The following PSD3 variants were observed in gnomAD, a reference collection of about 807,000 sequenced individuals.
PSD3 encodes the protein PH and SEC7 domain-containing protein 3.
PSD3 carries 49 observed loss-of-function variants against 105.5 expected under a neutral mutation model. That is an observed-to-expected ratio of 0.46 (90% CI 0.37 to 0.59). The LOEUF is 0.59. Among genes scored for constraint, PSD3 ranks in the 20% least tolerant of loss-of-function variants. PSD3 has a pLI of 0.00. For synonymous variants in PSD3, 557 were observed against 457.8 expected, an observed-to-expected ratio of 1.22 and a Z score of -2.77; for missense variants, 1,561 against 1,263.8, an observed-to-expected ratio of 1.24 and a Z score of -3.57.
chr8:18,696,656 A>C (rs1801278077), intron 9 of PSD3, among the ~76,000 whole-genome samples: 1 of 152,192 alleles, frequency 6.6e-6, no homozygotes, highest in African/African-American at 2.4e-5. Context: ...GTCACTCATC[A>C]AGATATGATG....
chr8:18,910,846 A>C (rs1820170873), intron 2 of PSD3, among the ~76,000 whole-genome samples: 1 of 151,914 alleles, frequency 6.6e-6, no homozygotes, highest in Admixed American at 6.6e-5. Context: ...GGTATCTGAC[A>C]CAGAAGTCGA....
intron 1 of PSD3, among the ~76,000 whole-genome samples, chr8:18,982,368 C>T (rs1482680915): frequency 6.6e-6 from 1 of 152,188 alleles, no homozygotes; most frequent in Non-Finnish European, 1.5e-5. Flanking sequence ...GAATCAACTT[C>T]TTCTAAACTC....
At chr8:18,574,396 T>C (rs767572604) in intron 13 of PSD3, among the ~76,000 whole-genome samples, 2 of 152,186 alleles carry the variant, frequency 1.3e-5, no homozygotes, top group Non-Finnish European at 2.9e-5. Flanking sequence ...ACAGAATAAT[T>C]TGAAAGTTTC....
At chr8:19,006,078 A>G (rs1826665322) in intron 1 of PSD3, among the ~76,000 whole-genome samples, 1 of 151,704 alleles carries the variant, frequency 6.6e-6, no homozygotes, top group Non-Finnish European at 1.5e-5. Context: ...GCGAATCATG[A>G]CGTCAAGAGA....
At chr8:18,824,148 G>C (rs1290364840) in intron 4 of PSD3, among the ~76,000 whole-genome samples, 1 of 152,182 alleles carries the variant, frequency 6.6e-6, no homozygotes, top group Non-Finnish European at 1.5e-5. Flanking sequence ...ACTCTAGCCT[G>C]GGTGACAGAC....
At chr8:19,046,152 C>G (rs1828309315) in intron 1 of PSD3, among the ~76,000 whole-genome samples, 1 of 152,148 alleles carries the variant, frequency 6.6e-6, no homozygotes, top group Admixed American at 6.5e-5. Context: ...CACTCTGTTG[C>G]CCAGGCCAGA....
intron 4 of PSD3, chr8:18,854,404 A>T (rs1361809539): frequency 6.6e-6 from 1 of 152,302 alleles, no homozygotes; most frequent in Non-Finnish European, 1.5e-5. Context: ...TCCAGACCCA[A>T]TGAAGTCACT....
chr8:18,715,671 A>T (rs1274662017), intron 9 of PSD3, among the ~76,000 whole-genome samples: 4 of 152,224 alleles, frequency 2.6e-5, no homozygotes, highest in Non-Finnish European at 5.9e-5. Context: ...CAGTTGTTAT[A>T]ATCTATGGCA....
intron 1 of PSD3, among the ~76,000 whole-genome samples, chr8:18,959,975 G>T (rs1215696377): frequency 1.3e-5 from 2 of 152,098 alleles, no homozygotes; most frequent in Non-Finnish European, 2.9e-5. Context: ...TTCAATCCTT[G>T]TTTTCAAAGC....
In PSD3 at chr8:18,535,707, G is replaced by T; in HGVS notation, c.*36C>A. On this transcript the variant is annotated 3_prime_UTR_variant, in exon 16 of 16. Coordinates refer to ENST00000327040, the MANE Select transcript of PSD3 (RefSeq NM_015310.4). ...GAAAGATCTTGAAAAACCCTATTTTGCTCCATGACCAGCACTTCCTGGCCG... is the reference window on the plus strand; with the variant it reads ...GAAAGATCTTGAAAAACCCTATTTTTCTCCATGACCAGCACTTCCTGGCCG... 6.7e-7 allele frequency: 1 copy of T among 1,503,358 alleles called. No individual in the cohort carries two copies. The highest frequency in any genetic ancestry group is 1.7e-5 in the Admixed American group (1 of 59,654). 93.1% of individuals were successfully genotyped at this position (1,503,358 alleles called of 1,614,324 possible).
chr8:18,687,668 C>T (rs17127046), intron 9 of PSD3, among the ~76,000 whole-genome samples: 8,161 of 152,106 alleles, frequency 0.054, 358 homozygotes, highest in South Asian at 0.15. Flanking sequence ...AAGCCATCCA[C>T]GTGTGTGTGT....
At chr8:18,866,263 A>G (rs1816927384) in intron 4 of PSD3, among the ~76,000 whole-genome samples, 1 of 152,190 alleles carries the variant, frequency 6.6e-6, no homozygotes, top group Admixed American at 6.5e-5. Flanking sequence ...TCACGGGGAC[A>G]CTGCTTTCAG....
intron 4 of PSD3, among the ~76,000 whole-genome samples, chr8:18,851,347 T>TTCA (rs1316355461): frequency 2.6e-5 from 4 of 152,150 alleles, no homozygotes; most frequent in Admixed American, 1.3e-4. Context: ...CCCAAAGATA[T>TTCA]TCATGACAAA....
chr8:18,619,321 G>A (rs12156222), intron 11 of PSD3, among the ~76,000 whole-genome samples: 77,041 of 151,950 alleles, frequency 0.51, 19,973 homozygotes, highest in Middle Eastern at 0.69. Flanking sequence ...AACAGACTCT[G>A]TGTGGCAATA....
chr8:18,985,021 C>A, intron 1 of PSD3, among the ~76,000 whole-genome samples: 1 of 152,190 alleles, frequency 6.6e-6, no homozygotes, highest in East Asian at 1.9e-4. Context: ...ACAACCTCTG[C>A]CCTCCAGGTT....
intron 1 of PSD3, among the ~76,000 whole-genome samples, chr8:18,965,187 C>T (rs2129471482): frequency 6.6e-6 from 1 of 152,276 alleles, no homozygotes; most frequent in East Asian, 1.9e-4. Flanking sequence ...TTATTTTAAA[C>T]TTTGCTGTTT....
chr8:18,657,776 A>G (rs1174051193), intron 9 of PSD3, among the ~76,000 whole-genome samples: 1 of 152,260 alleles, frequency 6.6e-6, no homozygotes, highest in Admixed American at 6.5e-5. Flanking sequence ...CTGAGAAACT[A>G]CAAATGAAAA....
At chr8:18,700,999 C>T (rs1019640578) in intron 9 of PSD3, among the ~76,000 whole-genome samples, 7 of 152,138 alleles carry the variant, frequency 4.6e-5, no homozygotes, top group African/African-American at 1.7e-4. Context: ...CAGGGTGTTA[C>T]TCTGTCACCC....
intron 1 of PSD3, among the ~76,000 whole-genome samples, chr8:19,021,409 A>G (rs1827356496): frequency 6.6e-6 from 1 of 152,088 alleles, no homozygotes; most frequent in Non-Finnish European, 1.5e-5. Context: ...GCTATGTTTT[A>G]TGCCCAACCC....
Sources: allele counts gnomAD v4.1 joint callset (sites outside exome capture counted in the v4.1 genomes callset), GRCh38; gene constraint gnomAD v4.1.1; transcripts MANE v1.5; gene names NCBI Gene and HGNC (gene_info 2026-07-23, HGNC 2026-07-21).